Variants in PKHD1L1 observed in about 807,000 individuals in gnomAD.
PKHD1L1 encodes PKHD1 like 1, also known as fibrocystin-L.
In PKHD1L1, 434 loss-of-function variants were observed where a neutral mutation model predicts 462.9. The ratio of observed to expected loss-of-function variants is 0.94; its 90% CI spans 0.87 to 1.02. PKHD1L1 has a LOEUF of 1.02. Ranked by LOEUF, PKHD1L1 falls within the 50% of genes least tolerant of loss-of-function variation. The probability of loss-of-function intolerance (pLI) is 0.00; values close to 1 mark genes in which losing one functional copy is unlikely to be tolerated. For missense variants in PKHD1L1, 5,202 were observed against 5,096.1 expected (o/e 1.02, Z -0.63); for synonymous variants, 1,781 against 1,750.0 (o/e 1.02, Z -0.44).
In PKHD1L1 at chr8:109,438,969, G is replaced by C. The variant is rs200525842; in HGVS notation, c.3833G>C (p.Gly1278Ala). The change falls in exon 32 of 78, where the codon GGA becomes GCA. Residue 1278 changes from glycine (G) to alanine (A), a missense_variant. Transcript: ENST00000378402. ...ELTQNMAVYV[G>A]GKTCQILHWN... Reference sequence around the variant, plus strand: ...ACACAAAACATGGCGGTGTATGTTGGAGGAAAAACCTGCCAGATTCTTCAC... The same window carrying C: ...ACACAAAACATGGCGGTGTATGTTGCAGGAAAAACCTGCCAGATTCTTCAC... 6.2e-7 allele frequency: 1 copy of C among 1,613,598 alleles called. No individual in the cohort carries two copies. Among genetic ancestry groups the C allele is most frequent in the East Asian group, 2.2e-5 (1 of 44,856 alleles).
At chr8:109,386,029 T>C (rs1812426311) in intron 6 of PKHD1L1, among the ~76,000 whole-genome samples, 1 of 152,078 alleles carries the variant, frequency 6.6e-6, no homozygotes, top group Admixed American at 6.6e-5. Flanking sequence ...GGGTCAGGAG[T>C]AGAACACAGT....
chr8:109,497,254 T>G lies in PKHD1L1; in HGVS notation c.10581T>G (p.Ser3527Arg), dbSNP rs1483779838. 2.5e-6 allele frequency: 4 copies of G among 1,613,074 alleles called. No homozygotes were observed. The highest frequency in any genetic ancestry group is 1.1e-5 in the South Asian group (1 of 91,032). ...MPAAISHKIS[S>R]KNVQIKSSLI... Reference sequence around the variant, plus strand: ...CTGCTATATCACACAAAATTTCCAGTAAAAATGTACAAATTAAGGTAAGAA... The same window carrying G: ...CTGCTATATCACACAAAATTTCCAGGAAAAATGTACAAATTAAGGTAAGAA... The change falls in exon 65 of 78, where the codon AGT (serine) becomes AGG (arginine). Residue 3527 changes from serine to arginine, a missense_variant. This residue lies in a region of PKHD1L1 where 4,497 missense variants were observed against 4,336.8 expected (regional missense o/e 1.04). Coordinates refer to ENST00000378402, the MANE Select transcript of PKHD1L1 (RefSeq NM_177531.6).
At chr8:109,435,564 A>G (rs1179751986) in intron 29 of PKHD1L1, among the ~76,000 whole-genome samples, 2 of 152,218 alleles carry the variant, frequency 1.3e-5, no homozygotes, top group South Asian at 2.1e-4. Context: ...TTATACTTAC[A>G]TCTTAGGTTA....
chr8:109,418,461 T>C (rs1296039255), intron 21 of PKHD1L1, among the ~76,000 whole-genome samples: 1 of 152,208 alleles, frequency 6.6e-6, no homozygotes, highest in African/African-American at 2.4e-5. Flanking sequence ...ATTATTTGAA[T>C]GGAAATACTT....
Position 109,423,497 on chromosome 8 carries a change from C to A in PKHD1L1, c.2698-1588C>A, listed in dbSNP as rs1053931200. 2.0e-4 allele frequency among the ~76,000 whole-genome samples: 31 copies of A among 152,084 alleles called. 1 individual carries two copies. On this transcript the variant is annotated intron_variant, in intron 23 of 77. Transcript: ENST00000378402. ...TTGGTCTATGTGTCAGTCCTTCCAC[C>A]AATACCACACATTCTTGACTATTGT...
chr8:109,435,040 C>A, intron 28 of PKHD1L1, 150 bp from the exon 29 acceptor site: 1 of 731,288 alleles, frequency 1.4e-6, no homozygotes, highest in Non-Finnish European at 2.2e-6. Flanking sequence ...TCCTAAGATT[C>A]CCCCACACAT....
chr8:109,514,402 C>T (rs1820158836), intron 71 of PKHD1L1, among the ~76,000 whole-genome samples: 1 of 152,136 alleles, frequency 6.6e-6, no homozygotes, highest in South Asian at 2.1e-4. Flanking sequence ...TGAATATAAG[C>T]TCAGAGAAGC....
intron 59 of PKHD1L1, 37 bp from the exon 60 acceptor site, chr8:109,489,915 T>C: frequency 7.5e-7 from 1 of 1,337,394 alleles, no homozygotes; most frequent in Non-Finnish European, 1.1e-6. Context: ...TCCAACTGTT[T>C]TAAGAAAAAC....
At chr8:109,364,261 C>T (rs541962220) in intron 1 of PKHD1L1, among the ~76,000 whole-genome samples, 6 of 152,214 alleles carry the variant, frequency 3.9e-5, no homozygotes, top group East Asian at 3.9e-4. Flanking sequence ...GGATTTAATA[C>T]GTGTTTTATA....
At position 109,533,849 on chromosome 8, in the gene PKHD1L1, A is replaced by T. The variant is rs1339387150; in HGVS notation, c.*3759A>T. ...GTAAGAAAAGACTAAGATGGTGGAC[A>T]ATTTTATGGCTTTTACAATGTCCTT... On this transcript the variant is annotated 3_prime_UTR_variant, in exon 78 of 78. Transcript: ENST00000378402. 2.0e-5 allele frequency among the ~76,000 whole-genome samples: 3 copies of T among 152,178 alleles called. No individual in the cohort carries two copies. The highest frequency in any genetic ancestry group is 6.5e-5 in the Admixed American group (1 of 15,278).
Position 109,365,029 on chromosome 8 carries a change from A to G in PKHD1L1, c.163+393A>G, listed in dbSNP as rs755175766. ...TAAGAAAGTATAATAGAGAAATAAT[A>G]TGTTAATGAAAGAGGAAAGGCAATA... is the stretch of plus-strand genomic sequence containing the variant. On this transcript the variant is annotated intron_variant, in intron 2 of 77. Transcript: ENST00000378402. Among the ~76,000 whole-genome samples the G allele has an allele frequency of 4.4e-4, 67 of 152,330 alleles. 1 individual carries two copies. Among genetic ancestry groups the G allele is most frequent in the Non-Finnish European group, 7.9e-4 (54 of 68,028 alleles).
At chr8:109,435,731 C>G (rs528997196) in intron 29 of PKHD1L1, among the ~76,000 whole-genome samples, 1 of 152,278 alleles carries the variant, frequency 6.6e-6, no homozygotes, top group South Asian at 2.1e-4. Context: ...TGGGAACAAA[C>G]TGGGGAAAGG....
rs1819234282 is a variant in PKHD1L1, at chr8:109,498,491, G to T, written c.10629G>T (p.Gly3543=). The T allele has an allele frequency of 3.1e-6, 5 of 1,612,912 alleles. No homozygotes were observed. The highest frequency in any genetic ancestry group is 4.2e-6 in the Non-Finnish European group (5 of 1,179,090). ...KSSLIVGSSP[G]FNCSDVLTND... ...CATTAATTGTTGGAAGTAGCCCTGGGTTTAATTGCTCTGATGTCCTAACTA... is the reference window on the plus strand; with the variant it reads ...CATTAATTGTTGGAAGTAGCCCTGGTTTTAATTGCTCTGATGTCCTAACTA... Residue 3543 remains glycine, a synonymous_variant, in exon 66 of 78, where the codon GGG becomes GGT. Coordinates refer to ENST00000378402, the MANE Select transcript of PKHD1L1 (RefSeq NM_177531.6).
At chr8:109,439,188 A>T (rs1815627370) in intron 32 of PKHD1L1, 96 bp downstream of exon 32, 2 of 1,143,680 alleles carry the variant, frequency 1.7e-6, no homozygotes, top group Middle Eastern at 2.1e-4. Flanking sequence ...TTTAGGTGTT[A>T]ATTGTTCTCT....
rs553554840 is a variant in PKHD1L1, at chr8:109,529,436, T to C, written c.12722-644T>C. Among the ~76,000 whole-genome samples, 27 of 152,292 alleles carry C rather than the reference T, an allele frequency of 1.8e-4. No homozygotes were observed. The East Asian group carries it at 5.2e-3, about 29-fold the overall frequency. ...AAGCATTTCTTTAATTAATTTTATT[T>C]TTTTCTCAGAAGCATTAAAATATAA... On this transcript the variant is annotated intron_variant, in intron 77 of 77. Coordinates refer to ENST00000378402, the MANE Select transcript of PKHD1L1 (RefSeq NM_177531.6).
intron 73 of PKHD1L1, among the ~76,000 whole-genome samples, chr8:109,519,675 G>A (rs1160700350): frequency 6.6e-6 from 1 of 152,084 alleles, no homozygotes; most frequent in Non-Finnish European, 1.5e-5. Flanking sequence ...TACACTTCAA[G>A]CCCCCTCACT....
At chr8:109,487,948 G>A (rs190479318) in intron 59 of PKHD1L1, among the ~76,000 whole-genome samples, 33 of 146,402 alleles carry the variant, frequency 2.3e-4, no homozygotes, top group African/African-American at 7.3e-4. Context: ...AAGGAAAGAA[G>A]GAAGGAAGGA....
intron 59 of PKHD1L1, among the ~76,000 whole-genome samples, chr8:109,488,038 A>G (rs1161849388): frequency 6.6e-6 from 1 of 151,866 alleles, no homozygotes; most frequent in Non-Finnish European, 1.5e-5. Context: ...TCTTCTTACA[A>G]TGTTAATAGC....
Position 109,497,235 on chromosome 8 carries a change from T to A in PKHD1L1, c.10562T>A (p.Ile3521Lys), listed in dbSNP as rs780590360. Residue 3521 changes from isoleucine (I) to lysine (K), a missense_variant, in exon 65 of 78, where the codon ATA (isoleucine) becomes AAA (lysine). Transcript: ENST00000378402. Reference protein sequence around the residue: ...IFPMIYMPAAISHKISSKNVQ... With the variant: ...IFPMIYMPAAKSHKISSKNVQ... Reference sequence around the variant, plus strand: ...CCAATGATTTACATGCCAGCTGCTATATCACACAAAATTTCCAGTAAAAAT... The same window carrying A: ...CCAATGATTTACATGCCAGCTGCTAAATCACACAAAATTTCCAGTAAAAAT... 1 of 1,613,498 alleles carries A rather than the reference T, an allele frequency of 6.2e-7. No individual in the cohort carries two copies. The highest frequency in any genetic ancestry group is 2.2e-5 in the East Asian group (1 of 44,854).
Sources: gnomAD v4.1 joint callset for allele counts (sites outside exome capture counted in the v4.1 genomes callset) on GRCh38, gnomAD v4.1.1 for gene constraint, gnomAD v4.1.1 regional missense constraint, MANE v1.5 for transcripts, NCBI Gene and HGNC (gene_info 2026-07-23, HGNC 2026-07-21) for gene names.